NAA35: variants seen among roughly 807,000 people sequenced by gnomAD.
NAA35 encodes the protein N-alpha-acetyltransferase 35, NatC auxiliary subunit, also known as MAK10 homolog, amino-acid N-acetyltransferase subunit.
In NAA35, 18 loss-of-function variants were observed where a neutral mutation model predicts 101.7. The ratio of observed to expected loss-of-function variants is 0.18; its 90% confidence interval spans 0.12 to 0.26. NAA35 has a LOEUF of 0.26. NAA35 is among the 10% of genes least tolerant of loss of function. The pLI, the probability that NAA35 is intolerant of heterozygous loss-of-function variation, is 1.00. For synonymous variants in NAA35, 267 were observed against 273.1 expected (o/e 0.98, Z 0.22); for missense variants, 601 against 886.8 (o/e 0.68, Z 4.09).
At chr9:85,985,469 A>G (rs1322754267) in intron 11 of NAA35, among the ~76,000 whole-genome samples, 1 of 152,348 alleles carries the variant, frequency 6.6e-6, no homozygotes, top group Non-Finnish European at 1.5e-5. Context: ...ACTGTGTTAC[A>G]TGGAAGAATC....
At chr9:85,986,665 A>G (rs1830663101) in intron 11 of NAA35, 3 of 312,792 alleles carry the variant, frequency 9.6e-6, no homozygotes, top group Non-Finnish European at 1.9e-5. Flanking sequence ...GCTCAATGCA[A>G]CCTCTGCCTC....
At chr9:85,965,789 T>C (rs1004050610) in intron 6 of NAA35, among the ~76,000 whole-genome samples, 15 of 152,182 alleles carry the variant, frequency 9.9e-5, no homozygotes, top group Non-Finnish European at 2.1e-4. Context: ...TTTTTCTTTT[T>C]TAAAAAGGGA....
At chr9:85,991,962 CAGG>C (rs1273162664) in intron 11 of NAA35, among the ~76,000 whole-genome samples, 3 of 152,018 alleles carry the variant, frequency 2.0e-5, no homozygotes, top group African/African-American at 7.2e-5. Flanking sequence ...ATCACGAGGT[CAGG>C]AGATCAAGAC....
At chr9:85,982,156 A>AT (rs375769777) in intron 11 of NAA35, among the ~76,000 whole-genome samples, 18 of 152,108 alleles carry the variant, frequency 1.2e-4, no homozygotes, top group African/African-American at 3.9e-4. Context: ...TGATAATGGG[A>AT]TTTTTTTGAC....
chr9:85,941,527 T>G, intron 1 of NAA35: 2 of 985,606 alleles, frequency 2.0e-6, no homozygotes, highest in Non-Finnish European at 2.4e-6. Flanking sequence ...AGCTCTGTCC[T>G]TGCTTATGCG....
chr9:85,959,837 A>G lies in NAA35; in HGVS notation c.318A>G (p.Ile106Met). The G allele has an allele frequency of 6.2e-7, 1 of 1,611,446 alleles. No individual in the cohort carries two copies. Among genetic ancestry groups the G allele is most frequent in the South Asian group, 1.1e-5 (1 of 90,574 alleles). Reference sequence around the variant, plus strand: ...AAGATCTCACCTTGCCTGAACTGATAGGGATTATGGATACATGTTTTTGCT... The same window carrying G: ...AAGATCTCACCTTGCCTGAACTGATGGGGATTATGGATACATGTTTTTGCT... ...KIKDLTLPEL[I>M]GIMDTCFCCL... Residue 106 changes from isoleucine to methionine, a missense_variant, in exon 5 of 23, where the codon ATA becomes ATG. Coordinates refer to ENST00000361671, the MANE Select transcript of NAA35 (RefSeq NM_024635.4).
chr9:86,024,789 G>A lies in NAA35; in HGVS notation c.*2829G>A, dbSNP rs1321904831. On this transcript the variant is annotated 3_prime_UTR_variant, in exon 23 of 23. Coordinates refer to ENST00000361671, the MANE Select transcript of NAA35 (RefSeq NM_024635.4). ...ATTGAGATATCTTTGGGACATCCTGGTGAAGATGGCAGGTAGTTTGGTCTC... is the reference window on the plus strand; with the variant it reads ...ATTGAGATATCTTTGGGACATCCTGATGAAGATGGCAGGTAGTTTGGTCTC... Among the ~76,000 whole-genome samples the A allele has an allele frequency of 6.6e-6, 1 of 152,156 alleles. No homozygotes were observed. Among genetic ancestry groups the A allele is most frequent in the Non-Finnish European group, 1.5e-5 (1 of 68,032 alleles).
intron 2 of NAA35, among the ~76,000 whole-genome samples, chr9:85,952,583 C>T (rs1829070364): frequency 6.6e-6 from 1 of 151,908 alleles, no homozygotes; most frequent in Non-Finnish European, 1.5e-5. Context: ...TTGTGCCTGG[C>T]TGTGCAAGTG....
At chr9:85,945,755 G>A (rs1241639251) in intron 2 of NAA35, among the ~76,000 whole-genome samples, 2 of 151,970 alleles carry the variant, frequency 1.3e-5, no homozygotes, top group South Asian at 2.1e-4. Flanking sequence ...TCCTGACCTC[G>A]TGATCCATCC....
At chr9:85,996,612 C>A in intron 12 of NAA35, 35 bp downstream of exon 12, 1 of 1,444,162 alleles carries the variant, frequency 6.9e-7, no homozygotes, top group Non-Finnish European at 9.2e-7. Flanking sequence ...ATGTAACTTC[C>A]ATTTAAAAAA....
intron 6 of NAA35, chr9:85,966,636 A>C (rs1237852788): frequency 7.7e-7 from 1 of 1,298,720 alleles, no homozygotes; most frequent in East Asian, 5.6e-5. Context: ...CATGAATATA[A>C]TTTTAAAAAT....
At chr9:86,019,052 A>G (rs914483467) in intron 21 of NAA35, among the ~76,000 whole-genome samples, 1 of 152,238 alleles carries the variant, frequency 6.6e-6, no homozygotes, top group Non-Finnish European at 1.5e-5. Context: ...TTAGAAGTCA[A>G]TGCAAAGACA....
chr9:85,958,695 A>C (rs749998336), intron 4 of NAA35, 109 bp downstream of exon 4: 12 of 596,196 alleles, frequency 2.0e-5, no homozygotes, highest in Non-Finnish European at 3.0e-5. Context: ...GTTTCCTTCA[A>C]AGCAGCTCAA....
At chr9:86,003,553 A>C (rs1831504892) in intron 12 of NAA35, 32 bp from the exon 13 acceptor site, 1 of 1,373,992 alleles carries the variant, frequency 7.3e-7, no homozygotes, top group Non-Finnish European at 1.0e-6. Flanking sequence ...TAATCTATTA[A>C]TGACATTGCT....
In NAA35 at chr9:86,022,529, A is replaced by G. The variant is rs1832611479; in HGVS notation, c.*569A>G. 6.6e-6 allele frequency among the ~76,000 whole-genome samples: 1 copy of G among 152,220 alleles called. No homozygotes were observed. On this transcript the variant is annotated 3_prime_UTR_variant, in exon 23 of 23. Coordinates refer to ENST00000361671, the MANE Select transcript of NAA35 (RefSeq NM_024635.4). ...GATTTTTATGTGTCATGACATCACA[A>G]ATTATATATCTGTAAGAATACAGAT...
intron 17 of NAA35, chr9:86,015,703 A>T (rs1832175063): frequency 1.1e-6 from 1 of 905,584 alleles, no homozygotes; most frequent in Non-Finnish European, 1.3e-6. Context: ...AAAGCACTTA[A>T]TAAAAGATCA....
At chr9:85,965,581 A>G (rs1202634803) in intron 6 of NAA35, among the ~76,000 whole-genome samples, 1 of 152,036 alleles carries the variant, frequency 6.6e-6, no homozygotes, top group East Asian at 1.9e-4. Flanking sequence ...GTGAGCTGTG[A>G]TTGTGCTATT....
chr9:85,957,756 T>A (rs1829338107), intron 3 of NAA35, among the ~76,000 whole-genome samples: 2 of 152,086 alleles, frequency 1.3e-5, no homozygotes, highest in Non-Finnish European at 2.9e-5. Context: ...AACTTTTAAT[T>A]AGTAAGTAGA....
intron 6 of NAA35, among the ~76,000 whole-genome samples, chr9:85,969,309 T>G (rs903574526): frequency 6.6e-6 from 1 of 150,964 alleles, no homozygotes; most frequent in African/African-American, 2.5e-5. Context: ...ATCCTCACAC[T>G]TATTTGGTAA....
Sources: gnomAD v4.1 joint callset for allele counts (sites outside exome capture counted in the v4.1 genomes callset) on GRCh38, gnomAD v4.1.1 for gene constraint, MANE v1.5 for transcripts, NCBI Gene and HGNC (gene_info 2026-07-23, HGNC 2026-07-21) for gene names.